The following CFAP221 variants were observed in gnomAD, a reference collection of about 807,000 sequenced individuals.
CFAP221 encodes cilia- and flagella-associated protein 221.
Under a neutral mutation model 113.1 loss-of-function variants are expected in CFAP221, and 97 were observed. The ratio of observed to expected loss-of-function variants is 0.86; its 90% CI spans 0.73 to 1.02. CFAP221 has a LOEUF of 1.02. CFAP221 is among the 50% of genes least tolerant of loss of function. CFAP221 has a pLI of 0.00. For synonymous variants in CFAP221, 331 were observed against 354.4 expected (o/e 0.93, Z 0.74); for missense variants, 1,025 against 1,013.4 (o/e 1.01, Z -0.16).
At chr2:119,564,046 G>A (rs1201910821) in intron 6 of CFAP221, among the ~76,000 whole-genome samples, 1 of 152,200 alleles carries the variant, frequency 6.6e-6, no homozygotes, top group Admixed American at 6.5e-5. Flanking sequence ...GTGGGCTTCA[G>A]CAGGCTTATG....
intron 2 of CFAP221, 68 bp downstream of exon 2, chr2:119,546,338 C>T (rs1680050390): frequency 2.1e-6 from 3 of 1,448,632 alleles, no homozygotes; most frequent in Non-Finnish European, 1.8e-6. Flanking sequence ...GTCCAGAGAG[C>T]ATAATGGGAC....
At chr2:119,638,113 CT>C in intron 19 of CFAP221, 145 bp from the exon 20 acceptor site, 2 of 734,286 alleles carry the variant, frequency 2.7e-6, no homozygotes, top group African/African-American at 1.8e-5. Context: ...CTCTGCTCTC[CT>C]GCTTCTCTTT....
At chr2:119,629,109 A>G (rs1307585496) in intron 16 of CFAP221, among the ~76,000 whole-genome samples, 2 of 152,218 alleles carry the variant, frequency 1.3e-5, no homozygotes, top group East Asian at 3.8e-4. Flanking sequence ...TACATTTAGC[A>G]TCTCAAAATT....
At chr2:119,597,012 C>T (rs1684029338) in intron 7 of CFAP221, among the ~76,000 whole-genome samples, 1 of 152,218 alleles carries the variant, frequency 6.6e-6, no homozygotes, top group African/African-American at 2.4e-5. Flanking sequence ...TGTGTAAGAA[C>T]TCAAGCGGGT....
chr2:119,646,639 C>A (rs1197429458), intron 21 of CFAP221, among the ~76,000 whole-genome samples: 1 of 152,118 alleles, frequency 6.6e-6, no homozygotes, highest in Non-Finnish European at 1.5e-5. Context: ...GGGGACAGGA[C>A]CAAACCATAT....
intron 23 of CFAP221, among the ~76,000 whole-genome samples, chr2:119,654,432 C>T (rs192741727): frequency 6.6e-6 from 1 of 151,862 alleles, no homozygotes; most frequent in East Asian, 1.9e-4. Flanking sequence ...TCAAATATTA[C>T]CTCTGGACAT....
chr2:119,559,856 G>A (rs1334085306), intron 4 of CFAP221, 72 bp from the exon 5 acceptor site: 3 of 1,475,280 alleles, frequency 2.0e-6, no homozygotes, highest in Non-Finnish European at 2.7e-6. Context: ...GGTGTGTGGT[G>A]TGTTGTCACC....
chr2:119,646,149 GA>G lies in CFAP221; in HGVS notation c.2226-808del, dbSNP rs150935420. On this transcript the variant is annotated intron_variant, in intron 21 of 23. Transcript: ENST00000413369. ...ACTAAACAATACACAAGGAGGTGGG[GA>G]GGAAGATATGAAATGGAATAGAATG... Among the ~76,000 whole-genome samples the G allele has an allele frequency of 2.3e-3, 357 of 152,284 alleles. 3 individuals are homozygous for G. In the East Asian group the frequency reaches 0.052, roughly 22 times the overall value.
chr2:119,550,022 C>G (rs1458987328), intron 3 of CFAP221, among the ~76,000 whole-genome samples: 2 of 152,206 alleles, frequency 1.3e-5, no homozygotes, highest in African/African-American at 2.4e-5. Context: ...CCATGATCCC[C>G]TAGTCATGCC....
intron 11 of CFAP221, among the ~76,000 whole-genome samples, chr2:119,605,768 AT>A (rs995708644): frequency 3.3e-5 from 5 of 149,976 alleles, no homozygotes; most frequent in South Asian, 2.1e-4. Context: ...CTTTTTCACA[AT>A]TTTTTTTTTA....
chr2:119,647,232 C>T (rs1687868139), intron 22 of CFAP221, among the ~76,000 whole-genome samples, 182 bp downstream of exon 22: 1 of 152,086 alleles, frequency 6.6e-6, no homozygotes, highest in African/African-American at 2.4e-5. Flanking sequence ...GGTGGAGAAT[C>T]GACAGTCTCT....
At chr2:119,620,443 T>G (rs1685826561) in intron 14 of CFAP221, among the ~76,000 whole-genome samples, 1 of 152,142 alleles carries the variant, frequency 6.6e-6, no homozygotes. Context: ...TATTCAACAT[T>G]CTCACAGAAA....
chr2:119,608,900 C>T (rs887201696), intron 12 of CFAP221, among the ~76,000 whole-genome samples: 16 of 152,286 alleles, frequency 1.1e-4, no homozygotes, highest in Non-Finnish European at 1.9e-4. Flanking sequence ...GGGAATGGCT[C>T]AAATTCGAGC....
intron 19 of CFAP221, among the ~76,000 whole-genome samples, chr2:119,635,136 TAACA>T (rs1687036318): frequency 6.6e-6 from 1 of 152,166 alleles, no homozygotes; most frequent in African/African-American, 2.4e-5. Flanking sequence ...AATACATCAT[TAACA>T]ATGCAAATTA....
At chr2:119,577,703 A>G (rs1003436827) in intron 6 of CFAP221, among the ~76,000 whole-genome samples, 2 of 152,212 alleles carry the variant, frequency 1.3e-5, no homozygotes, top group Non-Finnish European at 2.9e-5. Flanking sequence ...GTTAGATGAC[A>G]TATAAGCACA....
At chr2:119,647,343 T>C (rs1687873992) in intron 22 of CFAP221, among the ~76,000 whole-genome samples, 2 of 152,182 alleles carry the variant, frequency 1.3e-5, no homozygotes, top group South Asian at 4.1e-4. Context: ...TCACATGGAC[T>C]TGGGTTAGTA....
At chr2:119,600,005 A>G (rs1239996944) in intron 7 of CFAP221, among the ~76,000 whole-genome samples, 1 of 152,110 alleles carries the variant, frequency 6.6e-6, no homozygotes, top group Admixed American at 6.6e-5. Context: ...AAAGGAGGGC[A>G]TGTTTGGGGG....
chr2:119,617,887 C>T (rs1345950907), intron 14 of CFAP221, among the ~76,000 whole-genome samples: 1 of 152,202 alleles, frequency 6.6e-6, no homozygotes, highest in Admixed American at 6.5e-5. Flanking sequence ...AACATGTCTC[C>T]TTTGTTCCGG....
chr2:119,601,390 T>C lies in CFAP221; in HGVS notation c.791+13T>C. The C allele has an allele frequency of 6.7e-7, 1 of 1,494,458 alleles. No individual in the cohort carries two copies. The highest frequency in any genetic ancestry group is 8.9e-7 in the Non-Finnish European group (1 of 1,118,404). 92.6% of individuals were successfully genotyped at this position (1,494,458 alleles called of 1,614,324 possible). A position where few individuals can be genotyped will look rare whatever the true frequency, so the allele number is the denominator to read the frequency against. On this transcript the variant is annotated intron_variant, in intron 8 of 23. Transcript: ENST00000413369. ...ACATGGCCTTACCGTATGGCGTCTT[T>C]GCAGTGTTTTTGTTTATTTTTAACC...
Sources: allele counts gnomAD v4.1 joint callset (sites outside exome capture counted in the v4.1 genomes callset), GRCh38; gene constraint gnomAD v4.1.1; transcripts MANE v1.5; gene names NCBI Gene and HGNC (gene_info 2026-07-23, HGNC 2026-07-21).